The following EBF3 variants were observed in gnomAD, a reference collection of about 807,000 sequenced individuals.
The protein encoded by EBF3 is EBF transcription factor 3.
Under a neutral mutation model 77.1 loss-of-function variants are expected in EBF3, and 18 were observed. That is an observed-to-expected ratio of 0.23 (90% CI 0.16 to 0.35). The LOEUF is 0.35. EBF3 is among the 10% of genes least tolerant of loss of function. The pLI, the probability that EBF3 is intolerant of heterozygous loss-of-function variation, is 1.00. For synonymous variants in EBF3, 350 were observed against 343.5 expected, an observed-to-expected ratio of 1.02 and a Z score of -0.21; for missense variants, 558 against 860.0, an observed-to-expected ratio of 0.65 and a Z score of 4.39.
At chr10:129,934,577 T>C (rs1211003598) in intron 6 of EBF3, among the ~76,000 whole-genome samples, 2 of 152,150 alleles carry the variant, frequency 1.3e-5, no homozygotes, top group African/African-American at 2.4e-5. Context: ...ATTAGCTCAT[T>C]TGCATACTAT....
chr10:129,836,117 T>A lies in EBF3; in HGVS notation c.*1826A>T, dbSNP rs1363996850. On this transcript the variant is annotated 3_prime_UTR_variant, in exon 17 of 17. Transcript: ENST00000440978. ...GACGGGTCATGCAGCGGGCTTGTGC[T>A]TTTTTGTGTGTGTTTGTGTGTTTTA... is the stretch of plus-strand genomic sequence containing the variant. The A allele has an allele frequency of 1.3e-5, 2 of 152,616 alleles. No homozygotes were observed. The highest frequency in any genetic ancestry group is 4.8e-5 in the African/African-American group (2 of 41,444). The allele number at this position is 152,616 out of a possible 1,614,324, so 9.5% of individuals were successfully genotyped here. A position where few individuals can be genotyped will look rare whatever the true frequency, so the allele number is the denominator to read the frequency against.
chr10:129,840,197 C>T (rs1445892481), intron 15 of EBF3, 48 bp downstream of exon 15: 2 of 1,511,302 alleles, frequency 1.3e-6, no homozygotes, highest in South Asian at 1.2e-5. Flanking sequence ...CCCATCCCCA[C>T]CCCTGGAGAG....
chr10:129,934,176 C>A lies in EBF3; in HGVS notation c.554+23082G>T, dbSNP rs1857206755. ...AGGGCCTAGTATTAATATCCCCCCT[C>A]TCCAGCCTCCTCTTAGTCCTTGATC... On this transcript the variant is annotated intron_variant, in intron 6 of 16. Transcript: ENST00000440978. Among the ~76,000 whole-genome samples, 8 of 152,148 alleles carry A rather than the reference C, an allele frequency of 5.3e-5. No homozygotes were observed. In the South Asian group the frequency reaches 1.7e-3, roughly 32 times the overall value.
In EBF3 at chr10:129,941,598, C is replaced by T. The variant is rs577269574; in HGVS notation, c.554+15660G>A. Among the ~76,000 whole-genome samples, 292 of 152,254 alleles carry T rather than the reference C, an allele frequency of 1.9e-3. 1 individual carries two copies. Among genetic ancestry groups the T allele is most frequent in the African/African-American group, 6.6e-3 (275 of 41,552 alleles). On this transcript the variant is annotated intron_variant, in intron 6 of 16. Transcript: ENST00000440978. ...AGGGGGGAGCCCTCCAGGCCCAAAG[C>T]GCTGGGCACTCTGGCGGCGGTGGAG...
In EBF3 at chr10:129,938,175, G is replaced by A. The variant is rs982173977; in HGVS notation, c.554+19083C>T. Among the ~76,000 whole-genome samples the A allele has an allele frequency of 5.9e-5, 9 of 152,198 alleles. No homozygotes were observed. The highest frequency in any genetic ancestry group is 5.2e-4 in the Admixed American group (8 of 15,294). On this transcript the variant is annotated intron_variant, in intron 6 of 16. Transcript: ENST00000440978. The surrounding 1 kb of genome is among the most constrained non-coding windows in gnomAD (Gnocchi z 5.1). Reference sequence around the variant, plus strand: ...TGTGCGAGGCTAGCCCCCCGCATGAGGCTTCATCAGTGAGCCCCTCTGGTA... The same window carrying A: ...TGTGCGAGGCTAGCCCCCCGCATGAAGCTTCATCAGTGAGCCCCTCTGGTA...
At chr10:129,961,213 A>T (rs1859494110) in intron 4 of EBF3, among the ~76,000 whole-genome samples, 1 of 152,256 alleles carries the variant, frequency 6.6e-6, no homozygotes, top group Non-Finnish European at 1.5e-5. Flanking sequence ...CGAAGAAGCC[A>T]CTTTCATTTC....
intron 6 of EBF3, among the ~76,000 whole-genome samples, chr10:129,924,470 G>T (rs939840990): frequency 6.6e-6 from 1 of 151,166 alleles, no homozygotes; most frequent in African/African-American, 2.4e-5. Context: ...CAGAAAATAG[G>T]TACTGGTGAG....
At chr10:129,888,960 C>T (rs1377788348) in intron 6 of EBF3, among the ~76,000 whole-genome samples, 1 of 152,186 alleles carries the variant, frequency 6.6e-6, no homozygotes, top group Non-Finnish European at 1.5e-5. Context: ...ATGGTGGCGG[C>T]GCACAGGCCA....
rs1258513624 is a variant in EBF3, at chr10:129,963,335, G to C, written c.291+32C>G. 1 of 1,559,332 alleles carries C rather than the reference G, an allele frequency of 6.4e-7. No homozygotes were observed. Reference sequence around the variant, plus strand: ...ACCGCCTGCCTCCCGCTTCTAGAAAGAGAGAGGGTGTGATCGTGTGTTTGC... The same window carrying C: ...ACCGCCTGCCTCCCGCTTCTAGAAACAGAGAGGGTGTGATCGTGTGTTTGC... On this transcript the variant is annotated intron_variant, in intron 2 of 16. Transcript: ENST00000440978. The surrounding 1 kb of genome is among the most constrained non-coding windows in gnomAD (Gnocchi z 7.1).
chr10:129,954,397 G>A (rs1156775759), intron 6 of EBF3, among the ~76,000 whole-genome samples: 2 of 151,400 alleles, frequency 1.3e-5, no homozygotes, highest in African/African-American at 4.9e-5. Flanking sequence ...TTTTGTAATG[G>A]GAAACAGCCT....
At chr10:129,872,326 T>C (rs1422964400) in intron 8 of EBF3, among the ~76,000 whole-genome samples, 3 of 152,200 alleles carry the variant, frequency 2.0e-5, no homozygotes, top group Non-Finnish European at 4.4e-5. Flanking sequence ...ATGACATCGG[T>C]GCTTAGGGCG....
intron 10 of EBF3, among the ~76,000 whole-genome samples, chr10:129,849,397 A>G (rs1376269915): frequency 6.6e-6 from 1 of 152,208 alleles, no homozygotes; most frequent in Non-Finnish European, 1.5e-5. Flanking sequence ...GGAGACTAAT[A>G]AGACCTGCCA....
chr10:129,936,385 C>T (rs568502035), intron 6 of EBF3, among the ~76,000 whole-genome samples: 1 of 152,342 alleles, frequency 6.6e-6, no homozygotes, highest in South Asian at 2.1e-4. Context: ...ATGCCAAAGG[C>T]TGAGAGGACA....
chr10:129,898,835 G>A (rs1343571299), intron 6 of EBF3, among the ~76,000 whole-genome samples: 1 of 152,158 alleles, frequency 6.6e-6, no homozygotes, highest in East Asian at 1.9e-4. Flanking sequence ...CCCTCCTCCC[G>A]CGCCCAGGCC....
At position 129,842,026 on chromosome 10, in the gene EBF3, C is replaced by G; in HGVS notation, c.1372+90G>C. Reference sequence around the variant, plus strand: ...ACAGAACGCTACGGACATTCCCCAGCTGGCCCTGGACACGTGCCTCTTCAG... The same window carrying G: ...ACAGAACGCTACGGACATTCCCCAGGTGGCCCTGGACACGTGCCTCTTCAG... On this transcript the variant is annotated intron_variant, in intron 13 of 16. Coordinates refer to ENST00000440978, the MANE Select transcript of EBF3 (RefSeq NM_001375380.1). The surrounding 1 kb of genome is among the most constrained non-coding windows in gnomAD (Gnocchi z 4.4). The G allele has an allele frequency of 2.6e-6, 4 of 1,535,136 alleles. No homozygotes were observed. The highest frequency in any genetic ancestry group is 3.6e-6 in the Non-Finnish European group (4 of 1,119,476).
chr10:129,934,389 C>A (rs72837180), intron 6 of EBF3, among the ~76,000 whole-genome samples: 2,304 of 152,180 alleles, frequency 0.015, 28 homozygotes, highest in Middle Eastern at 0.048. Context: ...TGGGGTCAGG[C>A]GTCATCTGTC....
intron 10 of EBF3, among the ~76,000 whole-genome samples, chr10:129,850,296 A>G (rs1850775868): frequency 6.6e-6 from 1 of 152,264 alleles, no homozygotes; most frequent in African/African-American, 2.4e-5. Context: ...CTTTAATGCA[A>G]GCTTTCAGAA....
chr10:129,901,596 T>C (rs142255711), intron 6 of EBF3, among the ~76,000 whole-genome samples: 26 of 152,328 alleles, frequency 1.7e-4, no homozygotes, highest in Non-Finnish European at 3.4e-4. Flanking sequence ...ATTGTGTAAA[T>C]AGGTTTCGGC....
chr10:129,892,881 C>T (rs1458005975), intron 6 of EBF3, among the ~76,000 whole-genome samples: 6 of 152,342 alleles, frequency 3.9e-5, no homozygotes, highest in South Asian at 4.1e-4. Flanking sequence ...AATCATAACC[C>T]CCAAATATGT....
Sources: gnomAD v4.1 joint callset for allele counts (sites outside exome capture counted in the v4.1 genomes callset) on GRCh38, gnomAD v4.1.1 for gene constraint, Gnocchi (gnomAD v3.1) non-coding constraint, MANE v1.5 for transcripts, NCBI Gene and HGNC (gene_info 2026-07-23, HGNC 2026-07-21) for gene names.